The following TANK variants were observed in gnomAD, a reference collection of about 807,000 sequenced individuals.
TANK encodes the protein TRAF family member associated NFKB activator.
TANK carries 15 observed loss-of-function variants against 43.6 expected under a neutral mutation model. The observed-to-expected ratio is 0.34, with a 90% confidence interval of 0.23 to 0.53. The LOEUF (loss-of-function observed/expected upper bound fraction) is 0.53. TANK is among the 20% of genes least tolerant of loss of function. TANK has a pLI of 0.94. For missense variants in TANK, 417 were observed against 498.6 expected, an observed-to-expected ratio of 0.84 and a Z score of 1.56; for synonymous variants, 162 against 178.2, an observed-to-expected ratio of 0.91 and a Z score of 0.73.
At chr2:161,199,642 A>G (rs1291095768) in intron 2 of TANK, among the ~76,000 whole-genome samples, 1 of 152,240 alleles carries the variant, frequency 6.6e-6, no homozygotes, top group Non-Finnish European at 1.5e-5. Context: ...TGCTTTGCTT[A>G]TCATAATCCA....
At chr2:161,199,552 G>A (rs1686311131) in intron 2 of TANK, among the ~76,000 whole-genome samples, 1 of 152,084 alleles carries the variant, frequency 6.6e-6, no homozygotes, top group African/African-American at 2.4e-5. Context: ...GAAAATTATA[G>A]GAAATATGCT....
chr2:161,187,005 A>G (rs979191259), intron 2 of TANK, among the ~76,000 whole-genome samples: 1 of 152,248 alleles, frequency 6.6e-6, no homozygotes, highest in Non-Finnish European at 1.5e-5. Flanking sequence ...TCTTGATTAA[A>G]ATATTTGACA....
intron 1 of TANK, chr2:161,161,552 C>T: frequency 1.4e-6 from 2 of 1,385,870 alleles, no homozygotes; most frequent in East Asian, 2.5e-5. Context: ...GTAATCCAAG[C>T]CTTCCACATC....
rs539713271 is a variant in TANK at position 161,210,386 on chromosome 2, G to A, written c.327+5593G>A. Among the ~76,000 whole-genome samples, 7 of 152,272 alleles carry A rather than the reference G, an allele frequency of 4.6e-5. No homozygotes were observed. In the East Asian group the frequency reaches 1.3e-3, roughly 29 times the overall value. On this transcript the variant is annotated intron_variant, in intron 4 of 7. Coordinates refer to ENST00000392749, the MANE Select transcript of TANK (RefSeq NM_001199135.3). ...ATACAAAAAACAAAACACAGCAATAGCAATAGTATTGTAATAGACAACATC... is the reference window on the plus strand; with the variant it reads ...ATACAAAAAACAAAACACAGCAATAACAATAGTATTGTAATAGACAACATC...
chr2:161,220,522 G>A (rs1687295391), intron 4 of TANK, among the ~76,000 whole-genome samples: 2 of 152,088 alleles, frequency 1.3e-5, no homozygotes, highest in African/African-American at 4.8e-5. Context: ...AGAATTGCTT[G>A]AACCCAGGAG....
intron 7 of TANK, among the ~76,000 whole-genome samples, chr2:161,233,893 C>CT (rs1688047249): frequency 1.3e-5 from 2 of 152,060 alleles, no homozygotes; most frequent in Non-Finnish European, 2.9e-5. Context: ...CAAGTTAACT[C>CT]TAACTAGATT....
At chr2:161,156,472 T>C (rs13432576), upstream of TANK, 13,072 of 627,524 alleles carry the variant, frequency 0.021, 1,441 homozygotes, top group African/African-American at 0.23. Context: ...TCTCTCCATA[T>C]ACTTCTGCTT....
intron 2 of TANK, among the ~76,000 whole-genome samples, chr2:161,191,895 C>T (rs528634751): frequency 1.3e-5 from 2 of 152,178 alleles, no homozygotes; most frequent in African/African-American, 4.8e-5. Context: ...TCAAATGATA[C>T]TCCTGCCTAA....
intron 4 of TANK, among the ~76,000 whole-genome samples, chr2:161,210,628 C>A (rs529016057): frequency 6.7e-6 from 1 of 148,432 alleles, no homozygotes; most frequent in Non-Finnish European, 1.5e-5. Flanking sequence ...ACCCGGGAGG[C>A]GGAGGTTGCA....
chr2:161,182,794 T>A (rs1685488654), intron 2 of TANK, among the ~76,000 whole-genome samples: 1 of 152,200 alleles, frequency 6.6e-6, no homozygotes, highest in Admixed American at 6.6e-5. Flanking sequence ...TCCTGTCTAT[T>A]CAGATTCTTC....
At chr2:161,166,124 C>A (rs764984194) in intron 1 of TANK, among the ~76,000 whole-genome samples, 3 of 152,190 alleles carry the variant, frequency 2.0e-5, no homozygotes, top group Non-Finnish European at 2.9e-5. Context: ...GTACTGGGGA[C>A]CTTTGGGTTT....
At chr2:161,231,976 A>G (rs973062297) in intron 7 of TANK, among the ~76,000 whole-genome samples, 9 of 152,214 alleles carry the variant, frequency 5.9e-5, no homozygotes, top group African/African-American at 1.9e-4. Context: ...ATTGCATCTT[A>G]CATTTCTATT....
In TANK at chr2:161,152,045, A is replaced by G. The variant is rs187270365; in HGVS notation, c.-50+14982A>G. Among the ~76,000 whole-genome samples, 29 of 152,284 alleles carry G rather than the reference A, an allele frequency of 1.9e-4. No individual in the cohort carries two copies. In the East Asian group the frequency reaches 5.4e-3, roughly 28 times the overall value. Reference sequence around the variant, plus strand: ...TACCAACTTAGTTTCAGTAACATACAAACACTCCACTACTAAGCAGCTTAA... The same window carrying G: ...TACCAACTTAGTTTCAGTAACATACGAACACTCCACTACTAAGCAGCTTAA... On this transcript the variant is annotated intron_variant, in intron 1 of 7. Coordinates refer to the TANK transcript ENST00000259075.
intron 2 of TANK, chr2:161,200,355 CTT>C (rs1558991544): frequency 2.0e-6 from 2 of 984,428 alleles, no homozygotes; most frequent in Non-Finnish European, 2.4e-6. Context: ...TGTAAAAGGA[CTT>C]TTCTGGTTTT....
At chr2:161,160,877 C>A in intron 1 of TANK, 2 of 488,388 alleles carry the variant, frequency 4.1e-6, no homozygotes. Context: ...AGAGAGACTG[C>A]CTCCTAGAAT....
At chr2:161,198,450 T>C (rs144188299) in intron 2 of TANK, among the ~76,000 whole-genome samples, 32 of 152,372 alleles carry the variant, frequency 2.1e-4, no homozygotes, top group African/African-American at 7.2e-4. Flanking sequence ...AGTTGCACCC[T>C]GGTGGCTCTA....
intron 3 of TANK, 74 bp downstream of exon 3, chr2:161,203,669 A>G: frequency 1.1e-6 from 1 of 880,278 alleles, no homozygotes; most frequent in South Asian, 1.6e-5. Context: ...GAGTTTTTCT[A>G]TTTTATTCCT....
At chr2:161,148,838 T>C (rs1159575552) in intron 1 of TANK, among the ~76,000 whole-genome samples, 2 of 152,188 alleles carry the variant, frequency 1.3e-5, no homozygotes, top group African/African-American at 2.4e-5. Flanking sequence ...CTCAGTTCTA[T>C]TCCTTTGGTC....
intron 3 of TANK, 66 bp downstream of exon 3, chr2:161,203,661 G>A (rs1357106537): frequency 2.0e-6 from 2 of 999,124 alleles, no homozygotes; most frequent in Non-Finnish European, 1.5e-6. Context: ...TGTAAGTTGA[G>A]TTTTTCTATT....
Sources: allele counts gnomAD v4.1 joint callset (sites outside exome capture counted in the v4.1 genomes callset), GRCh38; gene constraint gnomAD v4.1.1; transcripts MANE v1.5; gene names NCBI Gene and HGNC (gene_info 2026-07-23, HGNC 2026-07-21).